KCNIP4: variants seen among roughly 807,000 people sequenced by gnomAD.
KCNIP4 encodes potassium voltage-gated channel interacting protein 4, also known as Kv channel-interacting protein 4.
A neutral mutation model predicts 34.0 loss-of-function variants in KCNIP4; 12 were observed. The ratio of observed to expected loss-of-function variants is 0.35; its 90% CI spans 0.23 to 0.57. KCNIP4 has a LOEUF of 0.57. KCNIP4 is among the 20% of genes least tolerant of loss of function. The pLI is 0.83. For missense variants in KCNIP4, 238 were observed against 311.7 expected (o/e 0.76, Z 1.78); for synonymous variants, 124 against 102.2 (o/e 1.21, Z -1.29).
intron 1 of KCNIP4, among the ~76,000 whole-genome samples, chr4:21,754,155 C>T (rs897370281): frequency 6.6e-6 from 1 of 152,152 alleles, no homozygotes. Context: ...TTTTCTGTGT[C>T]GTTTTTTTCT....
intron 3 of KCNIP4, among the ~76,000 whole-genome samples, chr4:20,807,802 G>A (rs56017122): frequency 6.6e-6 from 1 of 152,050 alleles, no homozygotes; most frequent in Non-Finnish European, 1.5e-5. Flanking sequence ...ACGTGGGAGA[G>A]GCACAACAAT....
intron 3 of KCNIP4, among the ~76,000 whole-genome samples, chr4:20,810,465 G>T (rs1163117943): frequency 2.5e-5 from 1 of 39,626 alleles, no homozygotes; most frequent in African/African-American, 7.7e-5. Flanking sequence ...AGGAAGGGGG[G>T]AGAGAGAGAG....
intron 3 of KCNIP4, among the ~76,000 whole-genome samples, chr4:20,804,261 T>C (rs1438068549): frequency 6.6e-6 from 1 of 152,208 alleles, no homozygotes; most frequent in African/African-American, 2.4e-5. Flanking sequence ...AATTTGCTCA[T>C]GGTCATGTAA....
intron 1 of KCNIP4, among the ~76,000 whole-genome samples, chr4:21,897,235 G>T (rs1199628857): frequency 6.7e-6 from 1 of 148,590 alleles, no homozygotes; most frequent in African/African-American, 2.5e-5. Flanking sequence ...TAGAAATAGA[G>T]ATTTGAGAAT....
At chr4:21,587,219 G>T (rs1187796874) in intron 1 of KCNIP4, among the ~76,000 whole-genome samples, 1 of 151,964 alleles carries the variant, frequency 6.6e-6, no homozygotes, top group Non-Finnish European at 1.5e-5. Context: ...CCGCACTATT[G>T]GGTATAAGTA....
chr4:21,665,520 C>T lies in KCNIP4; in HGVS notation c.61+283051G>A, dbSNP rs115032374. Among the ~76,000 whole-genome samples the T allele has an allele frequency of 1.0e-4, 15 of 150,250 alleles. No individual in the cohort carries two copies. In the South Asian group the frequency reaches 2.6e-3, roughly 26 times the overall value. On this transcript the variant is annotated intron_variant, in intron 1 of 8. Coordinates refer to ENST00000382152, the MANE Select transcript of KCNIP4 (RefSeq NM_025221.6). ...TTTTCTATCACAGGGCACCCCCCCC[C>T]CCTCATTTTATACATGTATTTTCTT... is the stretch of plus-strand genomic sequence containing the variant.
intron 1 of KCNIP4, among the ~76,000 whole-genome samples, chr4:21,464,054 T>G (rs1459069073): frequency 6.6e-6 from 1 of 152,014 alleles, no homozygotes; most frequent in Non-Finnish European, 1.5e-5. Context: ...AGGTTGGTAG[T>G]GATGTCTCCA....
chr4:20,970,820 CTGTCCATGATCTACCT>C (rs1400170401), intron 1 of KCNIP4, among the ~76,000 whole-genome samples: 3 of 152,158 alleles, frequency 2.0e-5, no homozygotes, highest in Admixed American at 2.0e-4. Context: ...ATAAACTTGC[CTGTCCATGATCTACCT>C]AACAGTTCAC....
At chr4:21,261,841 C>G (rs1761493662) in intron 1 of KCNIP4, among the ~76,000 whole-genome samples, 1 of 152,250 alleles carries the variant, frequency 6.6e-6, no homozygotes, top group Admixed American at 6.5e-5. Flanking sequence ...AATGACAGCC[C>G]TGCTTCTCCT....
intron 1 of KCNIP4, among the ~76,000 whole-genome samples, chr4:21,304,182 CGTGA>C (rs1712162822): frequency 1.3e-5 from 2 of 151,784 alleles, no homozygotes; most frequent in South Asian, 4.2e-4. Context: ...AGAAAAAGGG[CGTGA>C]GTGACAGAAA....
chr4:21,324,297 G>C (rs1490883673), intron 1 of KCNIP4, among the ~76,000 whole-genome samples: 1 of 151,888 alleles, frequency 6.6e-6, no homozygotes, highest in African/African-American at 2.4e-5. Context: ...TGTGTTTGTG[G>C]TATATTCCAC....
intron 3 of KCNIP4, among the ~76,000 whole-genome samples, chr4:20,844,555 C>A (rs969872767): frequency 2.8e-4 from 42 of 152,118 alleles, no homozygotes; most frequent in African/African-American, 9.2e-4. Flanking sequence ...TCAAGAATAA[C>A]CCTGAGGGCT....
chr4:21,711,101 C>T (rs1713685814), intron 1 of KCNIP4, among the ~76,000 whole-genome samples: 1 of 152,060 alleles, frequency 6.6e-6, no homozygotes, highest in African/African-American at 2.4e-5. Context: ...TGAAATAAAG[C>T]TACATTCTCT....
chr4:21,103,282 T>C (rs1421771096), intron 1 of KCNIP4, among the ~76,000 whole-genome samples: 1 of 147,140 alleles, frequency 6.8e-6, no homozygotes, highest in African/African-American at 2.5e-5. Flanking sequence ...TTCATGATAA[T>C]TACATGACAT....
chr4:21,792,517 A>C (rs1448268825), intron 1 of KCNIP4, among the ~76,000 whole-genome samples: 1 of 152,226 alleles, frequency 6.6e-6, no homozygotes, highest in Non-Finnish European at 1.5e-5. Flanking sequence ...GTAAATGTCA[A>C]TACGTGTGAA....
chr4:21,693,108 C>A (rs373152446), intron 1 of KCNIP4, among the ~76,000 whole-genome samples: 6 of 28,988 alleles, frequency 2.1e-4, no homozygotes, highest in Non-Finnish European at 3.6e-4. Flanking sequence ...ATCACCTCTT[C>A]CAGACAGAGT....
At chr4:21,181,444 T>C (rs945503242) in intron 1 of KCNIP4, among the ~76,000 whole-genome samples, 9 of 152,138 alleles carry the variant, frequency 5.9e-5, no homozygotes, top group Non-Finnish European at 7.4e-5. Context: ...AAGATTCTAC[T>C]ATAGGTGGGA....
At chr4:21,023,881 G>GA (rs368565893) in intron 1 of KCNIP4, among the ~76,000 whole-genome samples, 12 of 151,138 alleles carry the variant, frequency 7.9e-5, no homozygotes, top group Non-Finnish European at 1.2e-4. Flanking sequence ...GACTCTGTCT[G>GA]AAAAAAAACG....
chr4:21,569,986 C>T lies in KCNIP4; in HGVS notation c.61+378585G>A, dbSNP rs193044538. ...GGGGTGGGCTATGTGGTACTCCCCC[C>T]ACTCAGGTAAAGTGACATCAGGGCT... On this transcript the variant is annotated intron_variant, in intron 1 of 8. Transcript: ENST00000382152. 5.4e-3 allele frequency among the ~76,000 whole-genome samples: 817 copies of T among 152,080 alleles called. 14 individuals carry two copies. The highest frequency in any genetic ancestry group is 0.04 in the Admixed American group (613 of 15,258).
Sources: allele counts gnomAD v4.1 joint callset (sites outside exome capture counted in the v4.1 genomes callset), GRCh38; gene constraint gnomAD v4.1.1; transcripts MANE v1.5; gene names NCBI Gene and HGNC (gene_info 2026-07-23, HGNC 2026-07-21).